The following NAV3 variants were observed in gnomAD, a reference collection of about 807,000 sequenced individuals.
The protein encoded by NAV3 is neuron navigator 3.
NAV3 carries 87 observed loss-of-function variants against 244.7 expected under a neutral mutation model. That is an observed-to-expected ratio of 0.36 (90% CI 0.30 to 0.42). The LOEUF is 0.42. Ranked by LOEUF, NAV3 falls within the 20% of genes least tolerant of loss-of-function variation. The pLI is 1.00. For synonymous variants in NAV3, 1,126 were observed against 1,042.2 expected (o/e 1.08, Z -1.55); for missense variants, 2,663 against 2,893.3 (o/e 0.92, Z 1.83).
chr12:77,687,087 T>C (rs1014597440), intron 2 of NAV3, among the ~76,000 whole-genome samples: 2 of 152,152 alleles, frequency 1.3e-5, no homozygotes, highest in African/African-American at 4.8e-5. Context: ...TATTTCTCCC[T>C]GTTTACAAGG....
intron 2 of NAV3, among the ~76,000 whole-genome samples, chr12:77,712,839 G>A (rs757173317): frequency 1.1e-4 from 17 of 152,134 alleles, no homozygotes; most frequent in African/African-American, 2.4e-4. Flanking sequence ...ACATATAGGC[G>A]AGCAAGTTAG....
At chr12:77,852,280 A>G (rs1490458166) in intron 1 of NAV3, among the ~76,000 whole-genome samples, 1 of 152,212 alleles carries the variant, frequency 6.6e-6, no homozygotes, top group Non-Finnish European at 1.5e-5. Context: ...CACGCCTGCA[A>G]TCCCAACACT....
chr12:77,679,265 C>G (rs1374750356), intron 2 of NAV3, among the ~76,000 whole-genome samples: 1 of 152,062 alleles, frequency 6.6e-6, no homozygotes, highest in East Asian at 1.9e-4. Context: ...AGGGCACTAA[C>G]AGGTTATCGG....
intron 2 of NAV3, among the ~76,000 whole-genome samples, chr12:77,766,128 GCTGT>G (rs1869739591): frequency 6.6e-6 from 1 of 152,180 alleles, no homozygotes; most frequent in Non-Finnish European, 1.5e-5. Flanking sequence ...ACTTATCCAG[GCTGT>G]CTATTTTTTC....
intron 2 of NAV3, among the ~76,000 whole-genome samples, chr12:77,606,242 G>T (rs1194563171): frequency 6.6e-6 from 1 of 152,142 alleles, no homozygotes; most frequent in African/African-American, 2.4e-5. Context: ...TCAATGCTGG[G>T]TGAGAATATT....
intron 1 of NAV3, among the ~76,000 whole-genome samples, chr12:77,871,992 A>T (rs1283986713): frequency 6.6e-6 from 1 of 152,150 alleles, no homozygotes; most frequent in African/African-American, 2.4e-5. Flanking sequence ...AACTGGCATG[A>T]GATGGTATCT....
intron 2 of NAV3, among the ~76,000 whole-genome samples, chr12:77,659,164 G>C (rs1377031771): frequency 6.6e-6 from 1 of 151,610 alleles, no homozygotes; most frequent in Non-Finnish European, 1.5e-5. Flanking sequence ...CCATCAGAGT[G>C]AACAGGCAAC....
chr12:77,616,429 A>G (rs1411019281), intron 2 of NAV3, among the ~76,000 whole-genome samples: 1 of 152,102 alleles, frequency 6.6e-6, no homozygotes, highest in Non-Finnish European at 1.5e-5. Context: ...AAAATTTTAA[A>G]TCCCTGCATA....
intron 1 of NAV3, among the ~76,000 whole-genome samples, chr12:77,931,713 A>G (rs1242811716): frequency 1.3e-5 from 2 of 152,038 alleles, no homozygotes; most frequent in Non-Finnish European, 2.9e-5. Flanking sequence ...AAAAAATACA[A>G]AAAATTAGCC....
At chr12:77,921,061 G>A (rs753856362) in intron 1 of NAV3, among the ~76,000 whole-genome samples, 2 of 151,942 alleles carry the variant, frequency 1.3e-5, no homozygotes, top group African/African-American at 2.4e-5. Flanking sequence ...AGGCTCATCT[G>A]CCAGTAGAGA....
intron 1 of NAV3, among the ~76,000 whole-genome samples, chr12:77,857,057 C>A (rs972092252): frequency 2.0e-5 from 3 of 151,974 alleles, no homozygotes; most frequent in Admixed American, 2.0e-4. Context: ...AAAAATGAGA[C>A]GCTAGTCAAG....
intron 8 of NAV3, among the ~76,000 whole-genome samples, chr12:78,017,370 C>A (rs771539688): frequency 6.6e-6 from 1 of 152,030 alleles, no homozygotes; most frequent in Non-Finnish European, 1.5e-5. Context: ...AAGGTCAAAG[C>A]GGAAGTGAGC....
intron 12 of NAV3, chr12:78,091,856 T>C (rs1309711224): frequency 1.3e-5 from 2 of 151,970 alleles, no homozygotes; most frequent in Non-Finnish European, 2.9e-5. Context: ...ATTTCTCCTT[T>C]TCTTATTTTC....
chr12:78,006,336 A>G (rs1287370329), intron 7 of NAV3, 83 bp from the exon 8 acceptor site: 3 of 1,261,588 alleles, frequency 2.4e-6, no homozygotes, highest in Non-Finnish European at 3.3e-6. Context: ...CTATCCATCA[A>G]TAGTTTGGAA....
rs1565781214 is a variant in NAV3, at chr12:78,188,752, T to C, written c.6030T>C (p.Asn2010=). 6.2e-7 allele frequency: 1 copy of C among 1,611,946 alleles called. No individual in the cohort carries two copies. The highest frequency in any genetic ancestry group is 1.1e-5 in the South Asian group (1 of 91,000). ...LLPCGYLVGD[N]NIITVNLKGV... ...CTTGTGGATACCTTGTTGGAGATAA[T>C]AACATCATCACTGTGAACCTCAAAG... Residue 2010 remains asparagine, a synonymous_variant, in exon 33 of 40, where the codon AAT becomes AAC. Transcript: ENST00000397909.
chr12:77,763,090 C>T (rs1041134649), intron 2 of NAV3, among the ~76,000 whole-genome samples: 1 of 152,148 alleles, frequency 6.6e-6, no homozygotes, highest in African/African-American at 2.4e-5. Context: ...TAATATCTGC[C>T]TTCATGGAAT....
At chr12:78,204,182 C>A (rs1362277716) in intron 38 of NAV3, among the ~76,000 whole-genome samples, 1 of 148,870 alleles carries the variant, frequency 6.7e-6, no homozygotes, top group African/African-American at 2.5e-5. Flanking sequence ...GGAAGGGGAA[C>A]ATCACACTCC....
intron 2 of NAV3, among the ~76,000 whole-genome samples, chr12:77,607,683 AC>A (rs1260759081): frequency 1.3e-5 from 2 of 151,992 alleles, no homozygotes; most frequent in Non-Finnish European, 2.9e-5. Flanking sequence ...CCCAATTGCA[AC>A]CTTATTTTCT....
chr12:77,955,280 G>T (rs765896395), intron 3 of NAV3, among the ~76,000 whole-genome samples: 1 of 152,096 alleles, frequency 6.6e-6, no homozygotes, highest in Admixed American at 6.6e-5. Flanking sequence ...ACCATGCCCA[G>T]TTCACATATA....
Sources: allele counts gnomAD v4.1 joint callset (sites outside exome capture counted in the v4.1 genomes callset), GRCh38; gene constraint gnomAD v4.1.1; transcripts MANE v1.5; gene names NCBI Gene and HGNC (gene_info 2026-07-23, HGNC 2026-07-21).